Variants in PARVA observed in about 807,000 individuals in gnomAD.
PARVA encodes the protein alpha-parvin.
A neutral mutation model predicts 52.6 loss-of-function variants in PARVA; 25 were observed. That is an observed-to-expected ratio of 0.48 (90% CI 0.35 to 0.66). The LOEUF (loss-of-function observed/expected upper bound fraction) is 0.66. PARVA is among the 30% of genes least tolerant of loss of function. The pLI, the probability that PARVA is intolerant of heterozygous loss-of-function variation, is 0.01. For synonymous variants in PARVA, 185 were observed against 179.1 expected, an observed-to-expected ratio of 1.03 and a Z score of -0.26; for missense variants, 373 against 450.9, an observed-to-expected ratio of 0.83 and a Z score of 1.56.
At chr11:12,408,140 C>T (rs781376552) in intron 1 of PARVA, among the ~76,000 whole-genome samples, 2 of 152,170 alleles carry the variant, frequency 1.3e-5, no homozygotes, top group Non-Finnish European at 2.9e-5. Flanking sequence ...TCACCACATG[C>T]CCCCACCCCG....
chr11:12,504,769 A>G (rs117095319), intron 6 of PARVA, among the ~76,000 whole-genome samples: 6 of 24,668 alleles, frequency 2.4e-4, no homozygotes, highest in Non-Finnish European at 5.0e-4. Flanking sequence ...GAGGAAAGGT[A>G]TGTGGGTGTG....
intron 1 of PARVA, among the ~76,000 whole-genome samples, chr11:12,426,043 G>A (rs1014245294): frequency 6.8e-6 from 1 of 146,606 alleles, no homozygotes; most frequent in Non-Finnish European, 1.5e-5. Context: ...CAGGTGTTGG[G>A]GAGACAGGGT....
At chr11:12,377,883 T>G (rs1215682886) in intron 1 of PARVA, 100 bp downstream of exon 1, 11 of 777,516 alleles carry the variant, frequency 1.4e-5, no homozygotes, top group African/African-American at 1.9e-5. Context: ...GCGCCGCGGG[T>G]GCCCGGCGCG....
At chr11:12,521,660 G>GAGATGATGACATTATCTA (rs1211381649) in intron 12 of PARVA, among the ~76,000 whole-genome samples, 1 of 152,166 alleles carries the variant, frequency 6.6e-6, no homozygotes, top group Non-Finnish European at 1.5e-5. Flanking sequence ...TTAGGGTCTT[G>GAGATGATGACATTATCTA]AGATGATGAC....
chr11:12,485,481 T>C (rs1185980270), intron 4 of PARVA, among the ~76,000 whole-genome samples: 1 of 152,078 alleles, frequency 6.6e-6, no homozygotes, highest in African/African-American at 2.4e-5. Flanking sequence ...AAAAAATATA[T>C]ATACAGGGCC....
chr11:12,436,129 T>C (rs1940384215), intron 1 of PARVA, among the ~76,000 whole-genome samples: 1 of 152,166 alleles, frequency 6.6e-6, no homozygotes, highest in Admixed American at 6.5e-5. Context: ...GCCTCTGTTT[T>C]TATTTGTAAA....
rs1941798406 is a variant in PARVA, at chr11:12,533,570, A to G, written c.*5645A>G. On this transcript the variant is annotated 3_prime_UTR_variant, in exon 13 of 13. Transcript: ENST00000334956. ...GGGCACCGACCCCTGAGCAGCTGAA[A>G]ATTTGCATGTAACTTGACTCCCCCA... is the stretch of plus-strand genomic sequence containing the variant. 6.6e-6 allele frequency among the ~76,000 whole-genome samples: 1 copy of G among 152,092 alleles called. No homozygotes were observed. The highest frequency in any genetic ancestry group is 1.5e-5 in the Non-Finnish European group (1 of 68,024).
At chr11:12,421,380 G>A (rs1940147391) in intron 1 of PARVA, among the ~76,000 whole-genome samples, 1 of 152,172 alleles carries the variant, frequency 6.6e-6, no homozygotes, top group South Asian at 2.1e-4. Context: ...GAGAGAGTGT[G>A]CAGGATGGTA....
At chr11:12,413,935 C>T (rs997778382) in intron 1 of PARVA, among the ~76,000 whole-genome samples, 2 of 152,296 alleles carry the variant, frequency 1.3e-5, no homozygotes, top group East Asian at 3.9e-4. Context: ...ATTCAAAAAC[C>T]TCTTGGACTT....
At chr11:12,459,721 C>T (rs560315611) in intron 1 of PARVA, among the ~76,000 whole-genome samples, 25 of 152,256 alleles carry the variant, frequency 1.6e-4, no homozygotes, top group African/African-American at 5.8e-4. Flanking sequence ...ATGAAAAAAG[C>T]AGGCTATAGA....
At chr11:12,431,712 T>C (rs1940318516) in intron 1 of PARVA, among the ~76,000 whole-genome samples, 1 of 152,250 alleles carries the variant, frequency 6.6e-6, no homozygotes, top group African/African-American at 2.4e-5. Context: ...CTTATGCCTG[T>C]ATCTGCATGG....
chr11:12,377,546 C>T (rs978993962), upstream of PARVA: 13 of 1,472,048 alleles, frequency 8.8e-6, no homozygotes, highest in Admixed American at 2.3e-5. Flanking sequence ...AATAATTCCG[C>T]TTCCGTTTGG....
intron 1 of PARVA, among the ~76,000 whole-genome samples, chr11:12,387,180 A>T (rs1276107605): frequency 6.6e-6 from 1 of 152,270 alleles, no homozygotes; most frequent in Non-Finnish European, 1.5e-5. Context: ...TTTAAAAAGT[A>T]TGTGTAAACA....
chr11:12,443,221 G>A (rs1378740140), intron 1 of PARVA, among the ~76,000 whole-genome samples: 1 of 137,724 alleles, frequency 7.3e-6, no homozygotes, highest in Non-Finnish European at 1.5e-5. Flanking sequence ...CGTCAGGTTG[G>A]AGTGCAGTGG....
chr11:12,405,954 A>C (rs1219524802), intron 1 of PARVA, among the ~76,000 whole-genome samples: 4 of 152,224 alleles, frequency 2.6e-5, no homozygotes, highest in African/African-American at 9.6e-5. Flanking sequence ...AGTCTGTCTC[A>C]AAAGAAAAAA....
chr11:12,398,545 G>A (rs955246792), intron 1 of PARVA, among the ~76,000 whole-genome samples: 2 of 149,026 alleles, frequency 1.3e-5, no homozygotes, highest in Non-Finnish European at 3.0e-5. Flanking sequence ...TTTATAAGGG[G>A]TTCACAGTCT....
intron 11 of PARVA, 21 bp from the exon 12 acceptor site, chr11:12,518,424 T>A: frequency 1.2e-6 from 2 of 1,602,474 alleles, no homozygotes; most frequent in Non-Finnish European, 1.7e-6. Context: ...TGGTACATGC[T>A]GTCTGCATCT....
At chr11:12,377,510 G>A (rs781021433), upstream of PARVA, 3 of 1,418,960 alleles carry the variant, frequency 2.1e-6, no homozygotes, top group Admixed American at 2.6e-5. Flanking sequence ...AGGGAAAGGC[G>A]AGCGTGAGCT....
chr11:12,474,129 C>T, intron 3 of PARVA, 146 bp downstream of exon 3: 1 of 674,176 alleles, frequency 1.5e-6, no homozygotes, highest in East Asian at 2.7e-5. Context: ...AGTTGTCTAG[C>T]AGATGGCCAT....
Sources: gnomAD v4.1 joint callset for allele counts (sites outside exome capture counted in the v4.1 genomes callset) on GRCh38, gnomAD v4.1.1 for gene constraint, MANE v1.5 for transcripts, NCBI Gene and HGNC (gene_info 2026-07-23, HGNC 2026-07-21) for gene names.